The following MS4A13 variants were observed in gnomAD, a reference collection of about 807,000 sequenced individuals.
The protein encoded by MS4A13 is membrane-spanning 4-domains subfamily A member 13.
Under a neutral mutation model 18.4 loss-of-function variants are expected in MS4A13, and 21 were observed. The ratio of observed to expected loss-of-function variants is 1.14; its 90% CI spans 0.81 to 1.64. The LOEUF (loss-of-function observed/expected upper bound fraction) is 1.64. MS4A13 is among the 40% of genes most tolerant of loss of function. MS4A13 has a pLI of 0.00. For synonymous variants in MS4A13, 62 were observed against 57.2 expected (o/e 1.08, Z -0.38); for missense variants, 173 against 176.8 (o/e 0.98, Z 0.12).
chr11:60,538,396 A>C (rs555416887), intron 6 of MS4A13, among the ~76,000 whole-genome samples: 1 of 151,580 alleles, frequency 6.6e-6, no homozygotes, highest in Admixed American at 6.6e-5. Flanking sequence ...ATATTCCAAA[A>C]CTACCAAAAG....
At chr11:60,528,739 A>G (rs1405653841) in intron 5 of MS4A13, among the ~76,000 whole-genome samples, 1 of 152,206 alleles carries the variant, frequency 6.6e-6, no homozygotes, top group African/African-American at 2.4e-5. Context: ...TATTATTCAC[A>G]TAACTAACCA....
Position 60,518,195 on chromosome 11 carries a change from A to C in MS4A13, c.112A>C (p.Thr38Pro). Residue 38 changes from threonine to proline, a missense_variant, in exon 3 of 7, where the codon ACT (threonine) becomes CCT (proline). By Grantham distance (38) the Thr-to-Pro change is conservative. Coordinates refer to ENST00000378186, the MANE Select transcript of MS4A13 (RefSeq NM_001012417.3). ...ACCTGTAACTTACAAAACAGGATGTACTTTATGGGGAATTTTTGTGAGTAG... is the reference window on the plus strand; with the variant it reads ...ACCTGTAACTTACAAAACAGGATGTCCTTTATGGGGAATTTTTGTGAGTAG... Reference protein sequence around the residue: ...YEPVTYKTGCTLWGIFFIIAG... With the variant: ...YEPVTYKTGCPLWGIFFIIAG... The C allele has an allele frequency of 1.2e-6, 2 of 1,610,220 alleles. No individual in the cohort carries two copies. Among genetic ancestry groups the C allele is most frequent in the Non-Finnish European group, 1.7e-6 (2 of 1,177,882 alleles).
chr11:60,542,007 A>G (rs1363911412), intron 6 of MS4A13, among the ~76,000 whole-genome samples: 1 of 151,868 alleles, frequency 6.6e-6, no homozygotes, highest in African/African-American at 2.4e-5. Flanking sequence ...TGGCTGGGGC[A>G]TGAGAATCTC....
chr11:60,541,224 A>G (rs2086855485), intron 6 of MS4A13, among the ~76,000 whole-genome samples: 1 of 152,218 alleles, frequency 6.6e-6, no homozygotes, highest in Non-Finnish European at 1.5e-5. Flanking sequence ...TTACCTACTA[A>G]AAATTAAAAT....
chr11:60,540,135 G>A (rs2086844823), intron 6 of MS4A13, among the ~76,000 whole-genome samples: 1 of 152,186 alleles, frequency 6.6e-6, no homozygotes, highest in African/African-American at 2.4e-5. Flanking sequence ...AGGTAATCCA[G>A]GATGATTACC....
chr11:60,528,697 C>G (rs1318169123), intron 5 of MS4A13, among the ~76,000 whole-genome samples: 1 of 152,136 alleles, frequency 6.6e-6, no homozygotes, highest in Non-Finnish European at 1.5e-5. Context: ...CCACAGCCAG[C>G]ACAAAACCCA....
chr11:60,520,160 A>G (rs2086663891), intron 3 of MS4A13, among the ~76,000 whole-genome samples: 1 of 152,194 alleles, frequency 6.6e-6, no homozygotes, highest in Non-Finnish European at 1.5e-5. Context: ...TAACTGAATC[A>G]TGAGGCTGGG....
At chr11:60,532,196 G>T (rs542134530) in intron 6 of MS4A13, among the ~76,000 whole-genome samples, 2 of 152,162 alleles carry the variant, frequency 1.3e-5, no homozygotes, top group Non-Finnish European at 1.5e-5. Context: ...GAACAGCTCC[G>T]GTCTACAGCT....
At chr11:60,522,563 A>G (rs2086685038) in intron 3 of MS4A13, among the ~76,000 whole-genome samples, 1 of 152,204 alleles carries the variant, frequency 6.6e-6, no homozygotes, top group Non-Finnish European at 1.5e-5. Flanking sequence ...TGAGACAGCA[A>G]TTAATCACTA....
intron 5 of MS4A13, among the ~76,000 whole-genome samples, chr11:60,528,624 G>T (rs756994678): frequency 6.6e-6 from 1 of 152,168 alleles, no homozygotes; most frequent in Admixed American, 6.5e-5. Flanking sequence ...AGTTAGAGAA[G>T]GAATTGAAAG....
intron 6 of MS4A13, among the ~76,000 whole-genome samples, chr11:60,532,515 G>A (rs1288339366): frequency 1.3e-5 from 2 of 152,212 alleles, no homozygotes; most frequent in African/African-American, 4.8e-5. Flanking sequence ...TGGCTCAGAG[G>A]GTCCTACGCC....
intron 6 of MS4A13, among the ~76,000 whole-genome samples, chr11:60,540,296 C>T (rs2086846767): frequency 6.6e-6 from 1 of 152,128 alleles, no homozygotes; most frequent in Admixed American, 6.5e-5. Flanking sequence ...CGGGAGTGGG[C>T]TAGATTTGGT....
chr11:60,537,962 G>A (rs528897296), intron 6 of MS4A13, among the ~76,000 whole-genome samples: 1 of 132,852 alleles, frequency 7.5e-6, no homozygotes, highest in Non-Finnish European at 1.6e-5. Flanking sequence ...TCACTCATAG[G>A]TGGGAATTGA....
chr11:60,529,605 T>G (rs2086749254), intron 6 of MS4A13, 145 bp downstream of exon 6: 3 of 423,318 alleles, frequency 7.1e-6, no homozygotes, highest in Admixed American at 4.6e-5. Context: ...TTTATTTTTG[T>G]TATTTTATAA....
In MS4A13 at chr11:60,529,473, C is replaced by T. The variant is rs753659983; in HGVS notation, c.402+13C>T. 7.4e-6 allele frequency: 11 copies of T among 1,485,246 alleles called. No homozygotes were observed. The highest frequency in any genetic ancestry group is 1.4e-5 in the African/African-American group (1 of 70,790). The allele number at this position is 1,485,246 out of a possible 1,614,324, so 92.0% of individuals were successfully genotyped here. ...CTGTTCCAATTTGGTAAGTGTTTACCCACTCTCTGGCAAATCAAAAGATGT... is the reference window on the plus strand; with the variant it reads ...CTGTTCCAATTTGGTAAGTGTTTACTCACTCTCTGGCAAATCAAAAGATGT... On this transcript the variant is annotated intron_variant, in intron 6 of 6. Coordinates refer to ENST00000378186, the MANE Select transcript of MS4A13 (RefSeq NM_001012417.3).
At chr11:60,541,444 T>C (rs1033023736) in intron 6 of MS4A13, among the ~76,000 whole-genome samples, 6 of 152,206 alleles carry the variant, frequency 3.9e-5, no homozygotes, top group African/African-American at 1.4e-4. Context: ...AAAGCAACTA[T>C]ACCTGCACTT....
At chr11:60,524,832 TTG>T (rs2086702100) in intron 4 of MS4A13, among the ~76,000 whole-genome samples, 1 of 152,096 alleles carries the variant, frequency 6.6e-6, no homozygotes, top group Non-Finnish European at 1.5e-5. Context: ...GCTAATTTTT[TTG>T]TATTTTTACT....
At chr11:60,542,991 C>T (rs1421793922), downstream of MS4A13, among the ~76,000 whole-genome samples, 1 of 152,160 alleles carries the variant, frequency 6.6e-6, no homozygotes, top group Non-Finnish European at 1.5e-5. Context: ...CTGAGTTCTT[C>T]TACTTTAACT....
At chr11:60,521,444 G>C (rs2086673173) in intron 3 of MS4A13, among the ~76,000 whole-genome samples, 1 of 152,162 alleles carries the variant, frequency 6.6e-6, no homozygotes, top group South Asian at 2.1e-4. Context: ...TGAAAGGTTT[G>C]CTGCTTAGAT....
Sources: gnomAD v4.1 joint callset for allele counts (sites outside exome capture counted in the v4.1 genomes callset) on GRCh38, gnomAD v4.1.1 for gene constraint, MANE v1.5 for transcripts, NCBI Gene and HGNC (gene_info 2026-07-23, HGNC 2026-07-21) for gene names.